CDH23: variants seen among roughly 807,000 people sequenced by gnomAD.
The protein encoded by CDH23 is cadherin related 23, also known as cadherin-23.
In CDH23, 189 loss-of-function variants were observed where a neutral mutation model predicts 317.1. The observed-to-expected ratio is 0.60, with a 90% confidence interval of 0.53 to 0.67. CDH23 has a LOEUF of 0.67. Among genes scored for constraint, CDH23 ranks in the 30% least tolerant of loss-of-function variants. The pLI is 0.00. For synonymous variants in CDH23, 1,839 were observed against 1,876.8 expected, an observed-to-expected ratio of 0.98 and a Z score of 0.52; for missense variants, 4,401 against 4,592.4, an observed-to-expected ratio of 0.96 and a Z score of 1.20.
At chr10:71,687,519 T>C (rs1589333650) in intron 18 of CDH23, 128 bp from the exon 19 acceptor site, 1 of 781,630 alleles carries the variant, frequency 1.3e-6, no homozygotes, top group South Asian at 1.5e-5. Context: ...TGGCTCTGGT[T>C]ATACGGAGAG....
At chr10:71,809,775 G>A in intron 60 of CDH23, 45 bp from the exon 61 acceptor site, 4 of 1,591,396 alleles carry the variant, frequency 2.5e-6, no homozygotes, top group South Asian at 2.2e-5. Flanking sequence ...GGGGATTCGG[G>A]GCACTGAGTC....
chr10:71,403,474 C>T (rs1847947291), intron 1 of CDH23, among the ~76,000 whole-genome samples: 1 of 111,404 alleles, frequency 9.0e-6, no homozygotes, highest in African/African-American at 4.0e-5. Context: ...TCCTTCCTTC[C>T]TTCCTTCCTT....
chr10:71,403,896 C>T (rs971455342), intron 1 of CDH23, among the ~76,000 whole-genome samples: 1 of 152,084 alleles, frequency 6.6e-6, no homozygotes, highest in Non-Finnish European at 1.5e-5. Flanking sequence ...TAGAGACCAG[C>T]CTGACCAACA....
At chr10:71,431,378 G>A (rs1849364958) in intron 1 of CDH23, among the ~76,000 whole-genome samples, 1 of 152,154 alleles carries the variant, frequency 6.6e-6, no homozygotes, top group South Asian at 2.1e-4. Flanking sequence ...GAACAGAATA[G>A]CCATGAGGTG....
intron 3 of CDH23, among the ~76,000 whole-genome samples, chr10:71,476,694 G>A (rs576469418): frequency 1.2e-4 from 19 of 152,326 alleles, no homozygotes; most frequent in African/African-American, 4.6e-4. Flanking sequence ...GTGTATCGTA[G>A]AACCTGGATA....
intron 27 of CDH23, among the ~76,000 whole-genome samples, chr10:71,710,792 A>C (rs1359897792): frequency 1.3e-5 from 2 of 152,256 alleles, no homozygotes; most frequent in Admixed American, 6.5e-5. Context: ...CCTTGTGTGC[A>C]CAAGCATGCG....
intron 3 of CDH23, among the ~76,000 whole-genome samples, chr10:71,506,897 G>A (rs1853668924): frequency 6.6e-6 from 1 of 152,070 alleles, no homozygotes; most frequent in Non-Finnish European, 1.5e-5. Context: ...CATAATTGAG[G>A]GGAAAATGGA....
chr10:71,401,491 A>G (rs1256595853), intron 1 of CDH23, among the ~76,000 whole-genome samples: 1 of 152,166 alleles, frequency 6.6e-6, no homozygotes, highest in Non-Finnish European at 1.5e-5. Flanking sequence ...TCATTAACAC[A>G]CCAACCGTTT....
intron 1 of CDH23, among the ~76,000 whole-genome samples, chr10:71,405,560 C>T (rs974969738): frequency 6.6e-6 from 1 of 151,968 alleles, no homozygotes; most frequent in Non-Finnish European, 1.5e-5. Context: ...GCTTCAGCCT[C>T]CCAAGTAGCT....
chr10:71,565,790 G>A (rs1857364136), intron 6 of CDH23, among the ~76,000 whole-genome samples: 1 of 152,224 alleles, frequency 6.6e-6, no homozygotes, highest in Non-Finnish European at 1.5e-5. Flanking sequence ...GGATCAGAGA[G>A]ATTATGTAAT....
intron 20 of CDH23, among the ~76,000 whole-genome samples, chr10:71,690,866 AC>A (rs1344302171): frequency 6.6e-6 from 1 of 152,118 alleles, no homozygotes; most frequent in Admixed American, 6.5e-5. Flanking sequence ...TGGTTAACAC[AC>A]CCCTCTTCAG....
chr10:71,403,767 G>C (rs961591268), intron 1 of CDH23, among the ~76,000 whole-genome samples: 2 of 151,632 alleles, frequency 1.3e-5, no homozygotes, highest in Non-Finnish European at 2.9e-5. Context: ...TGCCCACCTC[G>C]GCCTCCCAAA....
At chr10:71,450,534 C>T (rs1226364123) in intron 3 of CDH23, among the ~76,000 whole-genome samples, 4 of 152,194 alleles carry the variant, frequency 2.6e-5, no homozygotes, top group Admixed American at 2.6e-4. Flanking sequence ...TCCCAAAGTG[C>T]TAGGATTACA....
At chr10:71,607,101 G>C (rs754750809) in intron 9 of CDH23, among the ~76,000 whole-genome samples, 1 of 152,200 alleles carries the variant, frequency 6.6e-6, no homozygotes, top group Non-Finnish European at 1.5e-5. Flanking sequence ...CTTGCTCAAG[G>C]CCCATATCTC....
chr10:71,773,539 G>C (rs1433265376), intron 38 of CDH23: 3 of 1,193,182 alleles, frequency 2.5e-6, no homozygotes, highest in South Asian at 1.5e-5. Flanking sequence ...GCGAGTGAGC[G>C]CTGCGGGCGG....
chr10:71,742,833 C>T (rs1278401445), intron 38 of CDH23, among the ~76,000 whole-genome samples: 2 of 152,172 alleles, frequency 1.3e-5, no homozygotes, highest in East Asian at 1.9e-4. Flanking sequence ...ACATAGTTAG[C>T]GCTAATTCTG....
intron 11 of CDH23, among the ~76,000 whole-genome samples, chr10:71,630,298 T>G (rs769442806): frequency 6.6e-6 from 1 of 151,984 alleles, no homozygotes; most frequent in Non-Finnish European, 1.5e-5. Context: ...CTGGGATTAC[T>G]GGCGTGAGTC....
At chr10:71,789,815 G>A (rs182462969) in intron 45 of CDH23, among the ~76,000 whole-genome samples, 99 of 152,360 alleles carry the variant, frequency 6.5e-4, no homozygotes, top group African/African-American at 2.3e-3. Flanking sequence ...CCAGGCCTGT[G>A]CGTGCTCCTG....
intron 28 of CDH23, among the ~76,000 whole-genome samples, chr10:71,718,074 G>A (rs547252506): frequency 2.0e-5 from 3 of 152,270 alleles, no homozygotes; most frequent in Non-Finnish European, 4.4e-5. Context: ...TTTAACCTTG[G>A]GGTCTTTCCT....
Sources: allele counts gnomAD v4.1 joint callset (sites outside exome capture counted in the v4.1 genomes callset), GRCh38; gene constraint gnomAD v4.1.1; transcripts MANE v1.5; gene names NCBI Gene and HGNC (gene_info 2026-07-23, HGNC 2026-07-21).